COL16A1: variants seen among roughly 807,000 people sequenced by gnomAD.
COL16A1 encodes the protein collagen alpha-1(XVI) chain.
In COL16A1, 189 loss-of-function variants were observed where a neutral mutation model predicts 266.3. That is an observed-to-expected ratio of 0.71 (90% CI 0.63 to 0.80). COL16A1 has a LOEUF of 0.80. COL16A1 is among the 30% of genes least tolerant of loss of function. The pLI, the probability that COL16A1 is intolerant of heterozygous loss-of-function variation, is 0.00. For synonymous variants in COL16A1, 740 were observed against 782.3 expected (o/e 0.95, Z 0.90); for missense variants, 1,928 against 2,122.4 (o/e 0.91, Z 1.80).
rs775807932 is a variant in COL16A1 at position 31,692,073 on chromosome 1, G to A, written c.1195-6C>T. 1 of 1,613,656 alleles carries A rather than the reference G, an allele frequency of 6.2e-7. No homozygotes were observed. Among genetic ancestry groups the A allele is most frequent in the Non-Finnish European group, 8.5e-7 (1 of 1,180,010 alleles). ...CCCTTCTCGCCTTTCTGGCCCTGGG[G>A]AAGGAAGAAGCAGAGTGACCAGGAT... On this transcript the variant is annotated splice_region_variant and splice_polypyrimidine_tract_variant and intron_variant, in intron 16 of 70. Coordinates refer to ENST00000373672, the MANE Select transcript of COL16A1 (RefSeq NM_001856.4).
intron 22 of COL16A1, 145 bp downstream of exon 22, chr1:31,690,222 C>G (rs1311494260): frequency 4.6e-6 from 6 of 1,294,614 alleles, no homozygotes; most frequent in Non-Finnish European, 6.4e-6. Context: ...GTACTCACTG[C>G]ACATGGACAT....
At chr1:31,667,738 T>C (rs1642264867) in intron 51 of COL16A1, 110 bp from the exon 52 acceptor site, 1 of 1,102,920 alleles carries the variant, frequency 9.1e-7, no homozygotes, top group East Asian at 2.6e-5. Flanking sequence ...TCTGGGGGAA[T>C]GGCACTGGGA....
At chr1:31,655,605 A>C in intron 66 of COL16A1, 103 bp from the exon 67 acceptor site, 1 of 1,541,560 alleles carries the variant, frequency 6.5e-7, no homozygotes, top group Non-Finnish European at 8.8e-7. Flanking sequence ...GTCTCCCTCT[A>C]GACTGTGGCC....
At chr1:31,693,070 C>G (rs769721958) in intron 13 of COL16A1, 22 bp downstream of exon 13, 3 of 1,545,914 alleles carry the variant, frequency 1.9e-6, no homozygotes, top group Non-Finnish European at 2.7e-6. Context: ...GGTCCTGCCA[C>G]GGGCAGGGCT....
rs775620665 is a variant in COL16A1, at chr1:31,655,458, C to T, written c.4146G>A (p.Lys1382=). ...GTCCACCAGGCATGCCGGCTCTCCCCTTCTCTCCTGCCTGGCCCTTCTGTC... is the reference window on the plus strand; with the variant it reads ...GTCCACCAGGCATGCCGGCTCTCCCTTTCTCTCCTGCCTGGCCCTTCTGTC... The part of the protein sequence containing the change: ...AAGQKGQAGE[K]GRAGMPGGPG... The change falls in exon 67 of 71, where the codon AAG becomes AAA. Residue 1382 remains lysine (K), a synonymous_variant. Coordinates refer to ENST00000373672, the MANE Select transcript of COL16A1 (RefSeq NM_001856.4). 2.5e-6 allele frequency: 4 copies of T among 1,614,056 alleles called. No homozygotes were observed. The highest frequency in any genetic ancestry group is 1.7e-5 in the Admixed American group (1 of 60,008).
chr1:31,660,954 T>G (rs934597565), intron 61 of COL16A1, 112 bp downstream of exon 61: 38 of 1,229,956 alleles, frequency 3.1e-5, no homozygotes, highest in Non-Finnish European at 3.9e-5. Flanking sequence ...CCCAGAAGGC[T>G]GAGGACAGAA....
At position 31,697,253 on chromosome 1, in the gene COL16A1, C is replaced by T; in HGVS notation, c.705G>A (p.Leu235=). 6.2e-7 allele frequency: 1 copy of T among 1,613,050 alleles called. No homozygotes were observed. The highest frequency in any genetic ancestry group is 8.5e-7 in the Non-Finnish European group (1 of 1,179,564). ...VHIYCDPELV[L]EEGCCEILPA... ...GTAAAATCTCACAGCAGCCCTCCTC[C>T]AGCACGAGCTCCGGGTCACAGTAGA... The change falls in exon 7 of 71, where the codon CTG becomes CTA. Residue 235 remains leucine (L), a synonymous_variant. Transcript: ENST00000373672. The surrounding 1 kb of genome is among the most constrained non-coding windows in gnomAD (Gnocchi z 4.2).
rs1484560368 is a variant in COL16A1, at chr1:31,698,813, G to C, written c.267-207C>G. On this transcript the variant is annotated intron_variant, in intron 4 of 70. Coordinates refer to ENST00000373672, the MANE Select transcript of COL16A1 (RefSeq NM_001856.4). The surrounding 1 kb of genome is among the most constrained non-coding windows in gnomAD (Gnocchi z 4.1). Reference sequence around the variant, plus strand: ...GCTGCTGGGAATAACAGTGGTGAAGGCTGGGTGCGGTGGCTCATGCCTGTA... The same window carrying C: ...GCTGCTGGGAATAACAGTGGTGAAGCCTGGGTGCGGTGGCTCATGCCTGTA... Among the ~76,000 whole-genome samples, 1 of 152,234 alleles carries C rather than the reference G, an allele frequency of 6.6e-6. No individual in the cohort carries two copies. Among genetic ancestry groups the C allele is most frequent in the Non-Finnish European group, 1.5e-5 (1 of 68,054 alleles).
Position 31,698,346 on chromosome 1 carries a change from G to GTGGGC in COL16A1, c.390+132_390+136dup. ...TCCTGAAAGAATGAGGTAGGTACTG[G>GTGGGC]TGGGCTGGGGACAGGCTTGAGGGTA... On this transcript the variant is annotated intron_variant, in intron 5 of 70. Transcript: ENST00000373672. The surrounding 1 kb of genome is among the most constrained non-coding windows in gnomAD (Gnocchi z 4.1). 1 of 1,528,012 alleles carries GTGGGC rather than the reference G, an allele frequency of 6.5e-7. No homozygotes were observed. Among genetic ancestry groups the GTGGGC allele is most frequent in the African/African-American group, 1.4e-5 (1 of 72,826 alleles). The allele number at this position is 1,528,012 out of a possible 1,614,324, so 94.7% of individuals were successfully genotyped here.
intron 8 of COL16A1, among the ~76,000 whole-genome samples, chr1:31,696,444 G>C (rs900969389): frequency 6.6e-6 from 1 of 151,920 alleles, no homozygotes; most frequent in African/African-American, 2.4e-5. Flanking sequence ...GCCCAGCCAG[G>C]GGGTGGGGCT....
rs1380796347 is a variant in COL16A1 at position 31,698,767 on chromosome 1, C to T, written c.267-161G>A. Among the ~76,000 whole-genome samples, 3 of 152,142 alleles carry T rather than the reference C, an allele frequency of 2.0e-5. No individual in the cohort carries two copies. Among genetic ancestry groups the T allele is most frequent in the African/African-American group, 7.2e-5 (3 of 41,432 alleles). Reference sequence around the variant, plus strand: ...CTCCATACCTTTACTGAGTGCCTTCCGCGAGCTAGGTGCGGGTCTGGCTGC... The same window carrying T: ...CTCCATACCTTTACTGAGTGCCTTCTGCGAGCTAGGTGCGGGTCTGGCTGC... On this transcript the variant is annotated intron_variant, in intron 4 of 70. Transcript: ENST00000373672. The surrounding 1 kb of genome is among the most constrained non-coding windows in gnomAD (Gnocchi z 4.1).
In COL16A1 at chr1:31,654,669, G is replaced by A; in HGVS notation, c.4357+123C>T. On this transcript the variant is annotated intron_variant, in intron 68 of 70. Coordinates refer to ENST00000373672, the MANE Select transcript of COL16A1 (RefSeq NM_001856.4). ...ATCTGCCTGTCAACCCCAGGCCTGT[G>A]AGTGTGTGGAGGGTGAGAGCAGGAG... is the stretch of plus-strand genomic sequence containing the variant. The A allele has an allele frequency of 2.6e-6, 4 of 1,559,052 alleles. No homozygotes were observed. The Admixed American group carries it at 7.4e-5, about 29-fold the overall frequency.
intron 30 of COL16A1, 38 bp from the exon 31 acceptor site, chr1:31,684,668 C>A (rs1436531435): frequency 6.2e-7 from 1 of 1,608,978 alleles, no homozygotes; most frequent in Non-Finnish European, 8.5e-7. Flanking sequence ...AAGGATGGCC[C>A]AGCCGGGGGC....
intron 2 of COL16A1, among the ~76,000 whole-genome samples, chr1:31,700,893 C>T (rs1330875312): frequency 6.6e-6 from 1 of 152,192 alleles, no homozygotes; most frequent in Admixed American, 6.5e-5. Context: ...AAGGAGATAG[C>T]TTAACTCAGG....
Position 31,680,939 on chromosome 1 carries a change from G to A in COL16A1, c.2584-8C>T, listed in dbSNP as rs1260758985. ...TCGTGGTCCTTTTTCACCCTGCAGGGAAGAAACACAGGAAGGTGAGCAGAT... is the reference window on the plus strand; with the variant it reads ...TCGTGGTCCTTTTTCACCCTGCAGGAAAGAAACACAGGAAGGTGAGCAGAT... On this transcript the variant is annotated splice_region_variant and splice_polypyrimidine_tract_variant and intron_variant, in intron 38 of 70. Coordinates refer to ENST00000373672, the MANE Select transcript of COL16A1 (RefSeq NM_001856.4). 2 of 1,614,046 alleles carry A rather than the reference G, an allele frequency of 1.2e-6. No homozygotes were observed. Among genetic ancestry groups the A allele is most frequent in the Non-Finnish European group, 1.7e-6 (2 of 1,180,028 alleles).
chr1:31,672,347 C>T, intron 47 of COL16A1, 69 bp downstream of exon 47: 1 of 1,583,256 alleles, frequency 6.3e-7, no homozygotes, highest in South Asian at 1.1e-5. Context: ...CCTCGGAGGC[C>T]CCCAAGAGGT....
At chr1:31,659,363 C>G (rs532468020) in intron 62 of COL16A1, among the ~76,000 whole-genome samples, 3 of 152,156 alleles carry the variant, frequency 2.0e-5, no homozygotes, top group African/African-American at 7.2e-5. Flanking sequence ...AGACCAGAAG[C>G]TGGGGGTCCG....
rs1160807340 is a variant in COL16A1, at chr1:31,691,172, T to A, written c.1437+16A>T. 1.2e-6 allele frequency: 2 copies of A among 1,612,982 alleles called. No homozygotes were observed. Among genetic ancestry groups the A allele is most frequent in the East Asian group, 2.2e-5 (1 of 44,846 alleles). On this transcript the variant is annotated intron_variant, in intron 20 of 70. Coordinates refer to ENST00000373672, the MANE Select transcript of COL16A1 (RefSeq NM_001856.4). The stretch of plus-strand genomic sequence containing the variant: ...CATGGAGCTCCCCACGTGACCACAC[T>A]CCCACCTATGCTCACCTTGTCTCCC...
At chr1:31,653,701 C>T (rs1640837240) in intron 69 of COL16A1, 25 bp from the exon 70 acceptor site, 1 of 1,606,950 alleles carries the variant, frequency 6.2e-7, no homozygotes, top group African/African-American at 1.3e-5. Context: ...ATAAATAAGT[C>T]CTATCCCTGA....
Sources: allele counts gnomAD v4.1 joint callset (sites outside exome capture counted in the v4.1 genomes callset), GRCh38; gene constraint gnomAD v4.1.1; non-coding constraint Gnocchi (gnomAD v3.1); transcripts MANE v1.5; gene names NCBI Gene and HGNC (gene_info 2026-07-23, HGNC 2026-07-21).